The following TRIM62 variants were observed in gnomAD, a reference collection of about 807,000 sequenced individuals.
The protein encoded by TRIM62 is tripartite motif containing 62.
A neutral mutation model predicts 44.2 loss-of-function variants in TRIM62; 39 were observed. That is an observed-to-expected ratio of 0.88 (90% CI 0.68 to 1.15). The LOEUF (loss-of-function observed/expected upper bound fraction) is 1.15, where lower values mean the gene tolerates loss of function less well. Ranked by LOEUF, TRIM62 falls within the 50% of genes most tolerant of loss-of-function variation. The pLI, the probability that TRIM62 is intolerant of heterozygous loss-of-function variation, is 0.00. For missense variants in TRIM62, 544 were observed against 665.5 expected, an observed-to-expected ratio of 0.82 and a Z score of 2.01; for synonymous variants, 278 against 292.3, an observed-to-expected ratio of 0.95 and a Z score of 0.50.
rs562679294 is a variant in TRIM62, at chr1:33,180,751, T to A, written c.408+274A>T. ...CGCCATCCCATCCGCATCCCCGACT[T>A]CTCCCTAACCGCGGACCAGCCGGTA... On this transcript the variant is annotated intron_variant, in intron 1 of 4. Transcript: ENST00000291416. Among the ~76,000 whole-genome samples, 6 of 151,982 alleles carry A rather than the reference T, an allele frequency of 3.9e-5. No individual in the cohort carries two copies. The East Asian group carries it at 1.2e-3, about 29-fold the overall frequency.
At chr1:33,179,929 T>C (rs1208774454) in intron 1 of TRIM62, among the ~76,000 whole-genome samples, 4 of 152,196 alleles carry the variant, frequency 2.6e-5, no homozygotes, top group Non-Finnish European at 5.9e-5. Context: ...GTATAAAAAA[T>C]ATACTATATT....
Position 33,176,519 on chromosome 1 carries a change from G to A in TRIM62, c.408+4506C>T, listed in dbSNP as rs958255786. ...TGGAGGGGGCGGCTGAGACTGAATC[G>A]GATCCCCTCTCTGGGGGTTAGGAAC... On this transcript the variant is annotated intron_variant, in intron 1 of 4. Coordinates refer to ENST00000291416, the MANE Select transcript of TRIM62 (RefSeq NM_018207.3). 19 of 659,156 alleles carry A rather than the reference G, an allele frequency of 2.9e-5. No individual in the cohort carries two copies. The Middle Eastern group carries it at 7.9e-4, about 27-fold the overall frequency. The allele number at this position is 659,156 out of a possible 1,614,324, so 40.8% of individuals were successfully genotyped here.
intron 1 of TRIM62, among the ~76,000 whole-genome samples, chr1:33,172,077 G>A (rs569692001): frequency 1.6e-4 from 25 of 152,180 alleles, no homozygotes; most frequent in African/African-American, 5.5e-4. Context: ...CCATGGCACC[G>A]GACCTCAAAT....
At position 33,145,844 on chromosome 1, in the gene TRIM62, C is replaced by T. The variant is rs1201773201; in HGVS notation, c.*1333G>A. ...AAACGCAGGTGGGGCTTGCTCCACC[C>T]ACCCTAACTTCCTTCTAGGGAAATG... is the stretch of plus-strand genomic sequence containing the variant. On this transcript the variant is annotated 3_prime_UTR_variant, in exon 5 of 5. Coordinates refer to ENST00000291416, the MANE Select transcript of TRIM62 (RefSeq NM_018207.3). 1 of 470,902 alleles carries T rather than the reference C, an allele frequency of 2.1e-6. No homozygotes were observed. Among genetic ancestry groups the T allele is most frequent in the Admixed American group, 2.4e-5 (1 of 42,538 alleles). The allele number at this position is 470,902 out of a possible 1,614,324, so 29.2% of individuals were successfully genotyped here.
chr1:33,173,918 C>T lies in TRIM62; in HGVS notation c.408+7107G>A, dbSNP rs78744913. Among the ~76,000 whole-genome samples the T allele has an allele frequency of 3.2e-3, 485 of 152,024 alleles. 18 individuals are homozygous for T. In the East Asian group the frequency reaches 0.083, roughly 26 times the overall value. On this transcript the variant is annotated intron_variant, in intron 1 of 4. Transcript: ENST00000291416. Reference sequence around the variant, plus strand: ...CTCTCTGTGTTGCCCAGGATGGTCTCGAACTCCTAGCTTCTGGCCTCAAAT... The same window carrying T: ...CTCTCTGTGTTGCCCAGGATGGTCTTGAACTCCTAGCTTCTGGCCTCAAAT...
In TRIM62 at chr1:33,146,962, C is replaced by T. The variant is rs555383153; in HGVS notation, c.*215G>A. 190 of 597,080 alleles carry T rather than the reference C, an allele frequency of 3.2e-4. 1 individual carries two copies. Among genetic ancestry groups the T allele is most frequent in the Non-Finnish European group, 2.4e-4 (82 of 338,610 alleles). 37.0% of individuals were successfully genotyped at this position (597,080 alleles called of 1,614,324 possible). On this transcript the variant is annotated 3_prime_UTR_variant, in exon 5 of 5. Coordinates refer to ENST00000291416, the MANE Select transcript of TRIM62 (RefSeq NM_018207.3). Reference sequence around the variant, plus strand: ...ACATCCTTGGATCAAAGCTGTATCCCTATCAAGGTCAGAGCTACAGAACAT... The same window carrying T: ...ACATCCTTGGATCAAAGCTGTATCCTTATCAAGGTCAGAGCTACAGAACAT...
intron 1 of TRIM62, among the ~76,000 whole-genome samples, chr1:33,172,983 A>T (rs1429306530): frequency 6.6e-6 from 1 of 152,162 alleles, no homozygotes; most frequent in Non-Finnish European, 1.5e-5. Context: ...GCTGCACACA[A>T]TAGGTGCTCA....
rs1158723601 is a variant in TRIM62 at position 33,181,545 on chromosome 1, C to T, written c.-113G>A. Reference sequence around the variant, plus strand: ...GGCGCGGGGACGAGGCCCGCACAGGCAGGGGTAGGAGCTACCGGAGAAGGG... The same window carrying T: ...GGCGCGGGGACGAGGCCCGCACAGGTAGGGGTAGGAGCTACCGGAGAAGGG... On this transcript the variant is annotated 5_prime_UTR_variant, in exon 1 of 5. Transcript: ENST00000291416. The surrounding 1 kb of genome is among the most constrained non-coding windows in gnomAD (Gnocchi z 6.5). The T allele has an allele frequency of 4.2e-6, 6 of 1,437,612 alleles. No homozygotes were observed. Among genetic ancestry groups the T allele is most frequent in the Non-Finnish European group, 5.4e-6 (6 of 1,104,830 alleles). The allele number at this position is 1,437,612 out of a possible 1,614,324, so 89.1% of individuals were successfully genotyped here.
rs941097713 is a variant in TRIM62, at chr1:33,151,421, G to A, written c.878-3694C>T. ...TGAAGCCACCTCCAAGGCCTTGCAC[G>A]AATCATTAACACAGGGTCTTGGCTC... On this transcript the variant is annotated intron_variant, in intron 4 of 4. Coordinates refer to ENST00000291416, the MANE Select transcript of TRIM62 (RefSeq NM_018207.3). 6.6e-5 allele frequency among the ~76,000 whole-genome samples: 10 copies of A among 152,214 alleles called. No homozygotes were observed. The South Asian group carries it at 1.2e-3, about 19-fold the overall frequency.
intron 1 of TRIM62, among the ~76,000 whole-genome samples, chr1:33,170,614 C>T (rs185988180): frequency 1.5e-3 from 230 of 152,220 alleles, no homozygotes; most frequent in Middle Eastern, 6.8e-3. Flanking sequence ...GGCAGAGTTC[C>T]TTGGATGGGC....
chr1:33,174,989 GCACACA>G lies in TRIM62; in HGVS notation c.408+6030_408+6035del, dbSNP rs1239111671. ...TATATACACACATATACATATATAT[GCACACA>G]CACATGTATGTATATGTATATGTAT... On this transcript the variant is annotated intron_variant, in intron 1 of 4. Coordinates refer to ENST00000291416, the MANE Select transcript of TRIM62 (RefSeq NM_018207.3). 5.3e-3 allele frequency among the ~76,000 whole-genome samples: 427 copies of G among 79,860 alleles called. 5 individuals are homozygous for G. The highest frequency in any genetic ancestry group is 0.02 in the African/African-American group (403 of 19,974). 52.4% of individuals were successfully genotyped at this position (79,860 alleles called of 152,430 possible). A position where few individuals can be genotyped will look rare whatever the true frequency, so the allele number is the denominator to read the frequency against.
chr1:33,172,598 G>T (rs1279728077), intron 1 of TRIM62, among the ~76,000 whole-genome samples: 1 of 152,164 alleles, frequency 6.6e-6, no homozygotes, highest in Non-Finnish European at 1.5e-5. Context: ...CACCTCAGAG[G>T]GTGGGGCTGT....
intron 1 of TRIM62, among the ~76,000 whole-genome samples, chr1:33,169,715 TA>T (rs1431511331): frequency 2.6e-5 from 4 of 152,166 alleles, no homozygotes; most frequent in Non-Finnish European, 5.9e-5. Context: ...TGCAATTAAT[TA>T]AAATGAAATA....
At chr1:33,152,976 C>A (rs976031582) in intron 4 of TRIM62, among the ~76,000 whole-genome samples, 1 of 133,540 alleles carries the variant, frequency 7.5e-6, no homozygotes, top group African/African-American at 2.8e-5. Flanking sequence ...GGATTTAGAC[C>A]AGGTAGGTAA....
At chr1:33,173,669 A>G (rs948471005) in intron 1 of TRIM62, among the ~76,000 whole-genome samples, 7 of 120,258 alleles carry the variant, frequency 5.8e-5, no homozygotes, top group African/African-American at 1.9e-4. Flanking sequence ...CCTTAAGCAC[A>G]GTTTCTTTCT....
Position 33,147,870 on chromosome 1 carries a change from C to T in TRIM62, c.878-143G>A. 1 of 884,558 alleles carries T rather than the reference C, an allele frequency of 1.1e-6. No homozygotes were observed. Among genetic ancestry groups the T allele is most frequent in the South Asian group, 1.8e-5 (1 of 56,574 alleles). 54.8% of individuals were successfully genotyped at this position (884,558 alleles called of 1,614,324 possible). On this transcript the variant is annotated intron_variant, in intron 4 of 4. Coordinates refer to ENST00000291416, the MANE Select transcript of TRIM62 (RefSeq NM_018207.3). The surrounding 1 kb of genome is among the most constrained non-coding windows in gnomAD (Gnocchi z 8.1). ...GTGACCTTGAATACAAGTCTGCCCTCTCTGGGCCTCATCTTCCTCCTCTGT... is the reference window on the plus strand; with the variant it reads ...GTGACCTTGAATACAAGTCTGCCCTTTCTGGGCCTCATCTTCCTCCTCTGT...
rs1299052136 is a variant in TRIM62, at chr1:33,147,945, A to C, written c.878-218T>G. On this transcript the variant is annotated intron_variant, in intron 4 of 4. Transcript: ENST00000291416. This position sits in a 1 kb window ranked among gnomAD's most constrained non-coding sequence, Gnocchi z 8.1. ...TCCTTCCAGATATTGTCTGCAGGGG[A>C]GCAGGGGCTACAGCTGCTTGTTCAC... 6.6e-6 allele frequency among the ~76,000 whole-genome samples: 1 copy of C among 152,110 alleles called. No homozygotes were observed. Among genetic ancestry groups the C allele is most frequent in the Non-Finnish European group, 1.5e-5 (1 of 68,012 alleles).
chr1:33,149,938 C>T (rs1645073743), intron 4 of TRIM62, among the ~76,000 whole-genome samples: 1 of 152,208 alleles, frequency 6.6e-6, no homozygotes, highest in African/African-American at 2.4e-5. Flanking sequence ...TCCGGAAAGA[C>T]TCACCAAATT....
intron 1 of TRIM62, among the ~76,000 whole-genome samples, chr1:33,178,319 T>G (rs1382431047): frequency 6.6e-6 from 1 of 152,200 alleles, no homozygotes; most frequent in Non-Finnish European, 1.5e-5. Flanking sequence ...AAATAGCTAA[T>G]AAGCCTTGCC....
Sources: allele counts gnomAD v4.1 joint callset (sites outside exome capture counted in the v4.1 genomes callset), GRCh38; gene constraint gnomAD v4.1.1; non-coding constraint Gnocchi (gnomAD v3.1); transcripts MANE v1.5; gene names NCBI Gene and HGNC (gene_info 2026-07-23, HGNC 2026-07-21).